Variants in NCOA1 observed in about 807,000 individuals in gnomAD.
NCOA1 encodes nuclear receptor coactivator 1.
NCOA1 carries 35 observed loss-of-function variants against 150.9 expected under a neutral mutation model. The ratio of observed to expected loss-of-function variants is 0.23; its 90% CI spans 0.18 to 0.31. NCOA1 has a LOEUF of 0.31. Among genes scored for constraint, NCOA1 ranks in the 10% least tolerant of loss-of-function variants. NCOA1 has a pLI of 1.00. For synonymous variants in NCOA1, 590 were observed against 630.0 expected (o/e 0.94, Z 0.95); for missense variants, 1,491 against 1,749.3 (o/e 0.85, Z 2.63).
At chr2:24,748,114 A>C (rs1664031113) in intron 19 of NCOA1, among the ~76,000 whole-genome samples, 1 of 152,104 alleles carries the variant, frequency 6.6e-6, no homozygotes, top group Non-Finnish European at 1.5e-5. Flanking sequence ...CTCAAAAAAA[A>C]GAAAAAAGAA....
chr2:24,706,891 C>A lies in NCOA1; in HGVS notation c.1421C>A (p.Ser474Tyr), dbSNP rs773729984. The A allele has an allele frequency of 4.3e-6, 7 of 1,614,036 alleles. No homozygotes were observed. The highest frequency in any genetic ancestry group is 2.7e-5 in the African/African-American group (2 of 74,906). Reference protein sequence around the residue: ...SSNPSLNLNNSPMEGTGISLA... With the variant: ...SSNPSLNLNNYPMEGTGISLA... ...AATCCCTCTTTAAACCTCAATAATTCTCCTATGGAAGGTACAGGAATATCC... is the reference window on the plus strand; with the variant it reads ...AATCCCTCTTTAAACCTCAATAATTATCCTATGGAAGGTACAGGAATATCC... The change falls in exon 13 of 23, where the codon TCT (serine) becomes TAT (tyrosine). Residue 474 changes from serine (S) to tyrosine (Y), a missense_variant. Transcript: ENST00000348332.
At chr2:24,728,743 C>T (rs1662838451) in intron 16 of NCOA1, among the ~76,000 whole-genome samples, 3 of 152,198 alleles carry the variant, frequency 2.0e-5, no homozygotes, top group African/African-American at 7.2e-5. Context: ...CATCACTTCT[C>T]ATTTTAGAGC....
intron 3 of NCOA1, among the ~76,000 whole-genome samples, chr2:24,602,780 G>C (rs575879471): frequency 6.6e-6 from 1 of 152,158 alleles, no homozygotes; most frequent in South Asian, 2.1e-4. Flanking sequence ...GTATGTTAAT[G>C]TGAACTAAGC....
At chr2:24,752,288 A>G (rs760290214) in intron 20 of NCOA1, 132 bp downstream of exon 20, 16 of 1,023,198 alleles carry the variant, frequency 1.6e-5, no homozygotes, top group African/African-American at 1.3e-4. Context: ...AAGGCCACAT[A>G]TGGCTACATT....
In NCOA1 at chr2:24,710,910, A is replaced by G. The variant is rs374214323; in HGVS notation, c.2419-21A>G. ...TGAAAGTGTAAAATATATTTCCTCT[A>G]ACTTTGGTTTCCATTCTTAGTTTAC... On this transcript the variant is annotated intron_variant, in intron 13 of 22. Coordinates refer to ENST00000348332, the MANE Select transcript of NCOA1 (RefSeq NM_003743.5). The G allele has an allele frequency of 6.2e-6, 10 of 1,609,848 alleles. No individual in the cohort carries two copies. In the African/African-American group the frequency reaches 8.0e-5, roughly 13 times the overall value.
At chr2:24,642,405 A>C (rs980202426) in intron 3 of NCOA1, among the ~76,000 whole-genome samples, 2 of 151,538 alleles carry the variant, frequency 1.3e-5, no homozygotes, top group African/African-American at 4.8e-5. Flanking sequence ...CCAACACCTA[A>C]ATCATCTTGT....
At chr2:24,634,391 A>G (rs1221522680) in intron 3 of NCOA1, among the ~76,000 whole-genome samples, 2 of 152,188 alleles carry the variant, frequency 1.3e-5, no homozygotes, top group Non-Finnish European at 2.9e-5. Flanking sequence ...CCCTTTGCCT[A>G]ACTCCAAAAT....
chr2:24,755,099 ATGAGGAACAC>A (rs1664432570), intron 20 of NCOA1, among the ~76,000 whole-genome samples: 1 of 152,232 alleles, frequency 6.6e-6, no homozygotes, highest in African/African-American at 2.4e-5. Flanking sequence ...ACAAGATACC[ATGAGGAACAC>A]TGAAAAACAA....
At chr2:24,709,415 C>G (rs1382428919) in intron 13 of NCOA1, among the ~76,000 whole-genome samples, 2 of 152,108 alleles carry the variant, frequency 1.3e-5, no homozygotes, top group African/African-American at 4.8e-5. Context: ...GGTGTGTGTT[C>G]TAATTTGCAT....
At chr2:24,563,381 C>G (rs776780748) in intron 1 of NCOA1, among the ~76,000 whole-genome samples, 1 of 152,112 alleles carries the variant, frequency 6.6e-6, no homozygotes, top group Non-Finnish European at 1.5e-5. Context: ...ATTTCTGACC[C>G]GTGGTATAAT....
chr2:24,678,568 A>G (rs1672023718), intron 7 of NCOA1, among the ~76,000 whole-genome samples: 2 of 152,242 alleles, frequency 1.3e-5, no homozygotes, highest in African/African-American at 4.8e-5. Flanking sequence ...TTGACTTTTT[A>G]ATAATCACCA....
intron 4 of NCOA1, among the ~76,000 whole-genome samples, chr2:24,653,531 GTTAA>G (rs1275001396): frequency 6.6e-6 from 1 of 151,960 alleles, no homozygotes; most frequent in African/African-American, 2.4e-5. Flanking sequence ...AGTAAGATAG[GTTAA>G]TTGTTTTTAA....
At chr2:24,492,774 C>G (rs1431081789) in intron 1 of NCOA1, among the ~76,000 whole-genome samples, 1 of 152,012 alleles carries the variant, frequency 6.6e-6, no homozygotes, top group East Asian at 1.9e-4. Context: ...TCTGTGGATG[C>G]CAAGAGGAAT....
In NCOA1 at chr2:24,768,233, G is replaced by T. The variant is rs1572703185; in HGVS notation, c.4168G>T (p.Val1390Phe). Residue 1390 changes from valine to phenylalanine, a missense_variant, in exon 23 of 23, where the codon GTT (valine) becomes TTT (phenylalanine). Transcript: ENST00000348332. ...EADGTQQVQQ[V>F]QVFADVQCTV... ...ATTTGTGTTCCAGCAGGTGCAACAG[G>T]TTCAGGTGTTTGCTGACGTCCAGTG... The T allele has an allele frequency of 6.2e-7, 1 of 1,612,512 alleles. No homozygotes were observed. Among genetic ancestry groups the T allele is most frequent in the Non-Finnish European group, 8.5e-7 (1 of 1,178,834 alleles).
intron 3 of NCOA1, among the ~76,000 whole-genome samples, chr2:24,615,255 G>T (rs1037475897): frequency 9.9e-5 from 15 of 152,162 alleles, no homozygotes; most frequent in Admixed American, 2.6e-4. Context: ...CAGTAGAAAT[G>T]GCCTCAGTTT....
At chr2:24,541,133 G>T (rs9309287) in intron 1 of NCOA1, among the ~76,000 whole-genome samples, 127,183 of 152,174 alleles carry the variant, frequency 0.84, 53,991 homozygotes, top group East Asian at 0.99. Context: ...GAGGACAATT[G>T]GGAAGTCATG....
chr2:24,661,576 A>G (rs1671186150), intron 5 of NCOA1, among the ~76,000 whole-genome samples: 1 of 152,060 alleles, frequency 6.6e-6, no homozygotes. Flanking sequence ...ATGTATTTTT[A>G]TATGTTTTCT....
intron 4 of NCOA1, among the ~76,000 whole-genome samples, chr2:24,645,032 C>T (rs1045096283): frequency 6.6e-6 from 1 of 151,924 alleles, no homozygotes; most frequent in Non-Finnish European, 1.5e-5. Context: ...AAGTTAAAGG[C>T]AGTAAAATTT....
At chr2:24,757,189 A>C (rs1664545475) in intron 20 of NCOA1, among the ~76,000 whole-genome samples, 1 of 152,154 alleles carries the variant, frequency 6.6e-6, no homozygotes, top group Non-Finnish European at 1.5e-5. Flanking sequence ...TTCTATACCC[A>C]CCCCTGGAAA....
Sources: gnomAD v4.1 joint callset for allele counts (sites outside exome capture counted in the v4.1 genomes callset) on GRCh38, gnomAD v4.1.1 for gene constraint, MANE v1.5 for transcripts, NCBI Gene and HGNC (gene_info 2026-07-23, HGNC 2026-07-21) for gene names.